Variants in SORCS2 observed in about 807,000 individuals in gnomAD.
SORCS2 encodes the protein sortilin related VPS10 domain containing receptor 2.
SORCS2 carries 100 observed loss-of-function variants against 141.6 expected under a neutral mutation model. That is an observed-to-expected ratio of 0.71 (90% CI 0.60 to 0.83). The LOEUF (loss-of-function observed/expected upper bound fraction) is 0.83, where lower values mean the gene tolerates loss of function less well. SORCS2 is among the 40% of genes least tolerant of loss of function. The pLI is 0.00. For missense variants in SORCS2, 1,646 were observed against 1,560.2 expected (o/e 1.05, Z -0.93); for synonymous variants, 789 against 676.9 (o/e 1.17, Z -2.57).
chr4:7,628,769 A>T (rs1175773201), intron 3 of SORCS2, among the ~76,000 whole-genome samples: 2 of 152,100 alleles, frequency 1.3e-5, no homozygotes, highest in African/African-American at 4.8e-5. Flanking sequence ...GGGTGATGGT[A>T]AAGCTCCAGA....
intron 3 of SORCS2, among the ~76,000 whole-genome samples, chr4:7,604,498 T>C (rs1717937522): frequency 6.6e-6 from 1 of 152,198 alleles, no homozygotes; most frequent in South Asian, 2.1e-4. Context: ...TTTGTATTTT[T>C]AGTAGAGACG....
At chr4:7,352,500 T>C (rs1407757383) in intron 1 of SORCS2, among the ~76,000 whole-genome samples, 1 of 152,110 alleles carries the variant, frequency 6.6e-6, no homozygotes, top group Non-Finnish European at 1.5e-5. Context: ...TGAGCTGGGG[T>C]TGGGTGTGTG....
At chr4:7,578,140 C>G (rs866924636) in intron 3 of SORCS2, among the ~76,000 whole-genome samples, 2 of 152,146 alleles carry the variant, frequency 1.3e-5, no homozygotes, top group East Asian at 3.9e-4. Context: ...CTCTCAGAAC[C>G]AGATTGGTTA....
intron 12 of SORCS2, 28 bp downstream of exon 12, chr4:7,697,302 C>T: frequency 6.4e-7 from 1 of 1,551,402 alleles, no homozygotes; most frequent in Middle Eastern, 1.8e-4. Flanking sequence ...TGCCTGGTAC[C>T]CCCCACCCCA....
At chr4:7,724,975 T>G (rs1727099302) in intron 19 of SORCS2, among the ~76,000 whole-genome samples, 179 bp from the exon 20 acceptor site, 1 of 131,264 alleles carries the variant, frequency 7.6e-6, no homozygotes, top group African/African-American at 3.1e-5. Flanking sequence ...GTGATAGTGT[T>G]GGTGGGAATG....
intron 1 of SORCS2, among the ~76,000 whole-genome samples, chr4:7,376,443 G>C (rs1263779252): frequency 3.9e-5 from 6 of 152,160 alleles, no homozygotes; most frequent in Non-Finnish European, 7.3e-5. Context: ...CGGGTGTGGT[G>C]GTGGGCGCCT....
chr4:7,616,764 G>C (rs1313815360), intron 3 of SORCS2, among the ~76,000 whole-genome samples: 1 of 152,226 alleles, frequency 6.6e-6, no homozygotes, highest in Non-Finnish European at 1.5e-5. Flanking sequence ...AACTTAAAGA[G>C]CTTGTTTTAA....
intron 2 of SORCS2, among the ~76,000 whole-genome samples, chr4:7,459,093 C>G (rs906352430): frequency 1.1e-4 from 13 of 122,988 alleles, no homozygotes; most frequent in African/African-American, 2.8e-4. Context: ...GGGGCACACT[C>G]TTCTGTGTGC....
chr4:7,629,105 A>T (rs1297617642), intron 3 of SORCS2, among the ~76,000 whole-genome samples: 1 of 152,016 alleles, frequency 6.6e-6, no homozygotes, highest in African/African-American at 2.4e-5. Context: ...TCACCTCAGA[A>T]AACAAGTGGG....
Position 7,433,330 on chromosome 4 carries a change from G to A in SORCS2, c.548+36975G>A, listed in dbSNP as rs375187579. 7.9e-5 allele frequency: 112 copies of A among 1,420,034 alleles called. No individual in the cohort carries two copies. The African/African-American group carries it at 1.5e-3, about 19-fold the overall frequency. The allele number at this position is 1,420,034 out of a possible 1,614,324, so 88.0% of individuals were successfully genotyped here. ...CAGCCACGGTCACGCGTGTTCCCCA[G>A]CGTGGAGGTGCATCTCTTTCCATAC... On this transcript the variant is annotated intron_variant, in intron 2 of 26. Coordinates refer to ENST00000507866, the MANE Select transcript of SORCS2 (RefSeq NM_020777.3).
At chr4:7,399,740 C>T (rs1187405692) in intron 2 of SORCS2, among the ~76,000 whole-genome samples, 2 of 152,168 alleles carry the variant, frequency 1.3e-5, no homozygotes, top group Non-Finnish European at 2.9e-5. Flanking sequence ...GAGCAAAGCC[C>T]AATGTGTAGA....
intron 2 of SORCS2, among the ~76,000 whole-genome samples, chr4:7,398,455 G>A (rs188341603): frequency 1.3e-5 from 2 of 152,334 alleles, no homozygotes; most frequent in Admixed American, 1.3e-4. Context: ...TTTCTCCAAA[G>A]CAAATTGACA....
intron 1 of SORCS2, among the ~76,000 whole-genome samples, chr4:7,275,116 C>T (rs893675879): frequency 3.9e-5 from 6 of 152,110 alleles, no homozygotes; most frequent in Admixed American, 2.0e-4. Context: ...TGGGAGTAAA[C>T]GGGCATCTTC....
intron 3 of SORCS2, among the ~76,000 whole-genome samples, chr4:7,592,643 G>C (rs1716995014): frequency 6.6e-6 from 1 of 152,204 alleles, no homozygotes; most frequent in African/African-American, 2.4e-5. Flanking sequence ...CTGTTACATG[G>C]GGTCCCCGAA....
chr4:7,550,721 A>G (rs947353455), intron 3 of SORCS2, among the ~76,000 whole-genome samples: 2 of 152,204 alleles, frequency 1.3e-5, no homozygotes, highest in Non-Finnish European at 2.9e-5. Context: ...TTCCAACAGG[A>G]CAATCCACTG....
intron 3 of SORCS2, among the ~76,000 whole-genome samples, chr4:7,561,803 C>G (rs1714601826): frequency 6.6e-6 from 1 of 151,878 alleles, no homozygotes; most frequent in Admixed American, 6.6e-5. Flanking sequence ...ATCTGTCTAC[C>G]CATCTATACA....
intron 2 of SORCS2, chr4:7,433,100 C>T (rs987881110): frequency 2.1e-5 from 9 of 420,904 alleles, no homozygotes; most frequent in South Asian, 1.2e-4. Flanking sequence ...GAGTGTGTTC[C>T]GGTCCAGTAG....
At chr4:7,733,502 C>T (rs891131097) in intron 24 of SORCS2, 81 bp downstream of exon 24, 10 of 1,159,628 alleles carry the variant, frequency 8.6e-6, no homozygotes, top group African/African-American at 4.7e-5. Context: ...GCAGGGCCCT[C>T]GGGCAGATGG....
At chr4:7,708,517 G>A (rs978303349) in intron 14 of SORCS2, among the ~76,000 whole-genome samples, 2 of 152,208 alleles carry the variant, frequency 1.3e-5, no homozygotes, top group Admixed American at 6.5e-5. Flanking sequence ...GATGGCATGC[G>A]ATGGTGCTTC....
Sources: gnomAD v4.1 joint callset for allele counts (sites outside exome capture counted in the v4.1 genomes callset) on GRCh38, gnomAD v4.1.1 for gene constraint, MANE v1.5 for transcripts, NCBI Gene and HGNC (gene_info 2026-07-23, HGNC 2026-07-21) for gene names.